The following KCTD8 variants were observed in gnomAD, a reference collection of about 807,000 sequenced individuals.
KCTD8 encodes the protein BTB/POZ domain-containing protein KCTD8.
KCTD8 carries 27 observed loss-of-function variants against 31.5 expected under a neutral mutation model. That is an observed-to-expected ratio of 0.86 (90% confidence interval 0.63 to 1.18). KCTD8 has a LOEUF of 1.18. Among genes scored for constraint, KCTD8 ranks in the 50% most tolerant of loss-of-function variants. The pLI is 0.00. For synonymous variants in KCTD8, 290 were observed against 280.0 expected (o/e 1.04, Z -0.36); for missense variants, 658 against 647.7 (o/e 1.02, Z -0.17).
chr4:44,425,353 A>G (rs1034382967), intron 1 of KCTD8, among the ~76,000 whole-genome samples: 61 of 152,208 alleles, frequency 4.0e-4, no homozygotes, highest in African/African-American at 1.4e-3. Flanking sequence ...GCAGTCAGCC[A>G]GTCTTCCACT....
intron 1 of KCTD8, among the ~76,000 whole-genome samples, chr4:44,265,067 T>A (rs1043750900): frequency 1.3e-5 from 2 of 152,188 alleles, no homozygotes; most frequent in Non-Finnish European, 2.9e-5. Flanking sequence ...GCTGGAGATC[T>A]GAGAACGGGC....
intron 1 of KCTD8, among the ~76,000 whole-genome samples, chr4:44,316,795 G>GAAA (rs71188270): frequency 0.035 from 1,395 of 40,244 alleles, 181 homozygotes; most frequent in Non-Finnish European, 0.071. Context: ...CTAAAAATAC[G>GAAA]AAAAAAAAAA....
chr4:44,316,795 G>GAAAAAAAA lies in KCTD8; in HGVS notation c.961+130760_961+130767dup, dbSNP rs71188270. On this transcript the variant is annotated intron_variant, in intron 1 of 1. Coordinates refer to ENST00000360029, the MANE Select transcript of KCTD8 (RefSeq NM_198353.3). ...GAAACCCCATCTCTACTAAAAATAC[G>GAAAAAAAA]AAAAAAAAAAAAAAAAAAAAAAAAA... is the stretch of plus-strand genomic sequence containing the variant. 5.9e-3 allele frequency among the ~76,000 whole-genome samples: 240 copies of GAAAAAAAA among 40,364 alleles called. 10 individuals are homozygous for GAAAAAAAA. Among genetic ancestry groups the GAAAAAAAA allele is most frequent in the Middle Eastern group, 0.026 (1 of 38 alleles). 26.5% of individuals were successfully genotyped at this position (40,364 alleles called of 152,430 possible). A position where few individuals can be genotyped will look rare whatever the true frequency, so the allele number is the denominator to read the frequency against.
At chr4:44,247,540 C>T (rs1433699929) in intron 1 of KCTD8, among the ~76,000 whole-genome samples, 2 of 151,812 alleles carry the variant, frequency 1.3e-5, no homozygotes, top group Non-Finnish European at 2.9e-5. Context: ...TAACTGTAGG[C>T]ACAATGTCAA....
intron 1 of KCTD8, among the ~76,000 whole-genome samples, chr4:44,346,387 T>C (rs1333944766): frequency 6.6e-6 from 1 of 152,150 alleles, no homozygotes; most frequent in Non-Finnish European, 1.5e-5. Flanking sequence ...CTGGAGATAT[T>C]TTAAATTCAA....
intron 1 of KCTD8, among the ~76,000 whole-genome samples, chr4:44,197,570 T>A (rs766439890): frequency 6.6e-6 from 1 of 152,206 alleles, no homozygotes; most frequent in Admixed American, 6.5e-5. Flanking sequence ...TTTGCCATGA[T>A]ACAGCACCTG....
chr4:44,424,804 T>C (rs955881216), intron 1 of KCTD8, among the ~76,000 whole-genome samples: 3 of 152,100 alleles, frequency 2.0e-5, no homozygotes, highest in Admixed American at 6.6e-5. Flanking sequence ...TTTGCTATAA[T>C]AACATTAATA....
rs965575244 is a variant in KCTD8, at chr4:44,447,876, G to A, written c.648C>T (p.Ser216=). 15 of 1,556,194 alleles carry A rather than the reference G, an allele frequency of 9.6e-6. No individual in the cohort carries two copies. Among genetic ancestry groups the A allele is most frequent in the African/African-American group, 1.4e-5 (1 of 73,258 alleles). ...SGFLTLGYRG[S]YTTVRDNQAD... Reference sequence around the variant, plus strand: ...CCTGGTTGTCGCGCACGGTGGTGTAGGAGCCCCGGTAGCCCAGCGTGAGGA... The same window carrying A: ...CCTGGTTGTCGCGCACGGTGGTGTAAGAGCCCCGGTAGCCCAGCGTGAGGA... Residue 216 remains serine, a synonymous_variant, in exon 1 of 2, where the codon TCC becomes TCT. Transcript: ENST00000360029.
At chr4:44,195,001 AT>A (rs1005342377) in intron 1 of KCTD8, among the ~76,000 whole-genome samples, 2 of 150,988 alleles carry the variant, frequency 1.3e-5, no homozygotes, top group Non-Finnish European at 3.0e-5. Context: ...GATTACAGGC[AT>A]GTACCACCAC....
intron 1 of KCTD8, among the ~76,000 whole-genome samples, chr4:44,325,957 G>A (rs552523050): frequency 1.3e-5 from 2 of 151,914 alleles, no homozygotes; most frequent in South Asian, 2.1e-4. Context: ...AAACTTAATG[G>A]AGAAGTTCTT....
chr4:44,332,899 CA>C (rs1422802789), intron 1 of KCTD8, among the ~76,000 whole-genome samples: 1 of 151,952 alleles, frequency 6.6e-6, no homozygotes, highest in Non-Finnish European at 1.5e-5. Flanking sequence ...TTGTGACAAC[CA>C]AAAATGTTTA....
chr4:44,338,176 G>A (rs1022268614), intron 1 of KCTD8, among the ~76,000 whole-genome samples: 4 of 151,950 alleles, frequency 2.6e-5, no homozygotes, highest in African/African-American at 9.7e-5. Context: ...AATTAGAGAT[G>A]ATGTGTATTT....
At chr4:44,302,307 G>A (rs1352705294) in intron 1 of KCTD8, among the ~76,000 whole-genome samples, 1 of 152,112 alleles carries the variant, frequency 6.6e-6, no homozygotes, top group South Asian at 2.1e-4. Flanking sequence ...ATTACCTTGG[G>A]CAGGATGGCC....
intron 1 of KCTD8, among the ~76,000 whole-genome samples, chr4:44,311,055 G>C (rs1413268159): frequency 7.2e-6 from 1 of 139,560 alleles, no homozygotes; most frequent in Non-Finnish European, 1.7e-5. Context: ...TTCCTCTTAA[G>C]GCAAACAGTT....
chr4:44,284,028 A>G (rs571362909), intron 1 of KCTD8, among the ~76,000 whole-genome samples: 1 of 152,210 alleles, frequency 6.6e-6, no homozygotes, highest in African/African-American at 2.4e-5. Context: ...GAAAGAATCA[A>G]TATGGTGAAA....
At chr4:44,360,683 C>A (rs1460165662) in intron 1 of KCTD8, among the ~76,000 whole-genome samples, 1 of 151,904 alleles carries the variant, frequency 6.6e-6, no homozygotes, top group Non-Finnish European at 1.5e-5. Context: ...TCAAGAGATG[C>A]TTTCTAAAAA....
chr4:44,239,195 C>A (rs1715378793), intron 1 of KCTD8, among the ~76,000 whole-genome samples: 1 of 152,152 alleles, frequency 6.6e-6, no homozygotes, highest in South Asian at 2.1e-4. Context: ...CTAAGATAGT[C>A]TTAGTCTATC....
intron 1 of KCTD8, among the ~76,000 whole-genome samples, chr4:44,332,653 A>AC (rs1718618458): frequency 6.6e-6 from 1 of 151,958 alleles, no homozygotes; most frequent in Admixed American, 6.6e-5. Flanking sequence ...AGGCAAGAAA[A>AC]GTTTAAATGA....
chr4:44,315,708 T>A (rs1445581216), intron 1 of KCTD8, among the ~76,000 whole-genome samples: 2 of 152,144 alleles, frequency 1.3e-5, no homozygotes, highest in Non-Finnish European at 2.9e-5. Flanking sequence ...CCCTCACATT[T>A]GATTGATAAC....
Sources: gnomAD v4.1 joint callset for allele counts (sites outside exome capture counted in the v4.1 genomes callset) on GRCh38, gnomAD v4.1.1 for gene constraint, MANE v1.5 for transcripts, NCBI Gene and HGNC (gene_info 2026-07-23, HGNC 2026-07-21) for gene names.